The following STK32A variants were observed in gnomAD, a reference collection of about 807,000 sequenced individuals.
STK32A encodes the protein serine/threonine-protein kinase 32A.
Under a neutral mutation model 53.2 loss-of-function variants are expected in STK32A, and 41 were observed. That is an observed-to-expected ratio of 0.77 (90% confidence interval 0.60 to 1.00). STK32A has a LOEUF of 1.00. Ranked by LOEUF, STK32A falls within the 50% of genes least tolerant of loss-of-function variation. The pLI, the probability that STK32A is intolerant of heterozygous loss-of-function variation, is 0.00. For missense variants in STK32A, 458 were observed against 485.8 expected, an observed-to-expected ratio of 0.94 and a Z score of 0.54; for synonymous variants, 166 against 162.8, an observed-to-expected ratio of 1.02 and a Z score of -0.15.
At chr5:147,294,065 T>G (rs1251450875) in intron 4 of STK32A, among the ~76,000 whole-genome samples, 2 of 152,184 alleles carry the variant, frequency 1.3e-5, no homozygotes, top group Non-Finnish European at 2.9e-5. Flanking sequence ...AGATCAATGT[T>G]TCAAGAAAAC....
chr5:147,238,878 G>T (rs183504090), intron 1 of STK32A, among the ~76,000 whole-genome samples: 3 of 151,744 alleles, frequency 2.0e-5, no homozygotes, highest in East Asian at 3.9e-4. Flanking sequence ...ACAAAGAGTT[G>T]TATAATACAA....
chr5:147,282,841 A>C (rs978817238), intron 4 of STK32A, among the ~76,000 whole-genome samples: 1 of 152,228 alleles, frequency 6.6e-6, no homozygotes, highest in African/African-American at 2.4e-5. Context: ...CAACACAATA[A>C]TAGTGAAGGA....
chr5:147,356,224 C>T lies in STK32A; in HGVS notation c.562+5070C>T, dbSNP rs370470429. Among the ~76,000 whole-genome samples, 31 of 152,144 alleles carry T rather than the reference C, an allele frequency of 2.0e-4. No homozygotes were observed. The South Asian group carries it at 6.2e-3, about 31-fold the overall frequency. ...AAACATGCCGTGCCTGAGACATGGACGATGATGTGACAATGATGAAGGTAG... is the reference window on the plus strand; with the variant it reads ...AAACATGCCGTGCCTGAGACATGGATGATGATGTGACAATGATGAAGGTAG... On this transcript the variant is annotated intron_variant, in intron 7 of 12. Transcript: ENST00000397936.
At chr5:147,343,637 AG>A (rs1481813451) in intron 6 of STK32A, among the ~76,000 whole-genome samples, 1 of 152,208 alleles carries the variant, frequency 6.6e-6, no homozygotes, top group Non-Finnish European at 1.5e-5. Flanking sequence ...ACTCAATAGA[AG>A]TCTAATATTG....
the STK32A span, chr5:147,393,809 G>C: frequency 7.6e-5 from 42 of 554,528 alleles, no homozygotes; most frequent in Non-Finnish European, 1.1e-4. Flanking sequence ...ATGTAAATGG[G>C]GGGAGGGGAG....
At chr5:147,382,932 C>G (rs1414590004) in intron 11 of STK32A, 1 of 153,064 alleles carries the variant, frequency 6.5e-6, no homozygotes, top group African/African-American at 2.4e-5. Context: ...TTTGTTTGCA[C>G]CTCTGTGATC....
intron 4 of STK32A, among the ~76,000 whole-genome samples, chr5:147,300,644 T>C (rs1753085976): frequency 1.3e-5 from 2 of 152,192 alleles, no homozygotes; most frequent in East Asian, 3.9e-4. Context: ...CCAATGTCAT[T>C]TGCACACTCA....
chr5:147,267,939 C>T (rs1481681858), intron 2 of STK32A, among the ~76,000 whole-genome samples: 1 of 152,184 alleles, frequency 6.6e-6, no homozygotes, highest in Non-Finnish European at 1.5e-5. Context: ...CACCTTAGAA[C>T]TCCTATAAAC....
rs973875397 is a variant in STK32A at position 147,264,974 on chromosome 5, C to T, written c.53-13150C>T. ...GACACAAAACTTGAAAAAATGAAAACATTAAAAAGACTGAAATAGAGCAAA... is the reference window on the plus strand; with the variant it reads ...GACACAAAACTTGAAAAAATGAAAATATTAAAAAGACTGAAATAGAGCAAA... On this transcript the variant is annotated intron_variant, in intron 2 of 12. Coordinates refer to ENST00000397936, the MANE Select transcript of STK32A (RefSeq NM_001112724.2). Among the ~76,000 whole-genome samples, 31 of 151,632 alleles carry T rather than the reference C, an allele frequency of 2.0e-4. No individual in the cohort carries two copies. The East Asian group carries it at 5.4e-3, about 27-fold the overall frequency.
chr5:147,323,890 A>G lies in STK32A; in HGVS notation c.261-8A>G. On this transcript the variant is annotated splice_polypyrimidine_tract_variant and splice_region_variant and intron_variant, in intron 4 of 12. Coordinates refer to ENST00000397936, the MANE Select transcript of STK32A (RefSeq NM_001112724.2). ...TTTGATAAGTTTTCTCTTCTAATGT[A>G]ATTCCAGGTATTCCTTCCAAGATGA... The G allele has an allele frequency of 6.2e-7, 1 of 1,609,608 alleles. No individual in the cohort carries two copies. Among genetic ancestry groups the G allele is most frequent in the Non-Finnish European group, 8.5e-7 (1 of 1,177,592 alleles).
chr5:147,397,922 A>G, the STK32A span: 15 of 1,389,052 alleles, frequency 1.1e-5, no homozygotes, highest in African/African-American at 1.0e-4. Context: ...TGAGACCTTC[A>G]GTGTCATTTG....
In STK32A at chr5:147,278,132, G is replaced by T; in HGVS notation, c.61G>T (p.Asp21Tyr). The change falls in exon 3 of 13, where the codon GAC (aspartate) becomes TAC (tyrosine). Residue 21 changes from aspartate (D) to tyrosine (Y), a missense_variant. Asp to Tyr is a radical substitution (Grantham distance 160, BLOSUM62 -3). Transcript: ENST00000397936. The part of the protein sequence containing the change: ...VFDENEDVNF[D>Y]HFEILRAIGK... Reference sequence around the variant, plus strand: ...TCTTTTTTGTTTTACAGTCAACTTTGACCACTTTGAAATTTTGCGAGCCAT... The same window carrying T: ...TCTTTTTTGTTTTACAGTCAACTTTTACCACTTTGAAATTTTGCGAGCCAT... 6.3e-7 allele frequency: 1 copy of T among 1,594,986 alleles called. No homozygotes were observed. The highest frequency in any genetic ancestry group is 1.1e-5 in the South Asian group (1 of 87,698).
At chr5:147,281,212 A>C (rs1167839265) in intron 4 of STK32A, among the ~76,000 whole-genome samples, 1 of 152,168 alleles carries the variant, frequency 6.6e-6, no homozygotes, top group African/African-American at 2.4e-5. Context: ...ATGCCCCCCA[A>C]AAATCACACT....
intron 5 of STK32A, among the ~76,000 whole-genome samples, chr5:147,331,278 C>T (rs1034315323): frequency 1.3e-5 from 2 of 152,172 alleles, no homozygotes; most frequent in Admixed American, 1.3e-4. Context: ...TTATTGTTTA[C>T]ACCAAGAACT....
At chr5:147,275,454 A>G (rs562793952) in intron 2 of STK32A, among the ~76,000 whole-genome samples, 48 of 152,180 alleles carry the variant, frequency 3.2e-4, no homozygotes, top group African/African-American at 1.1e-3. Context: ...ATTTCTGAGT[A>G]GCTGGGACTA....
At chr5:147,332,674 T>G (rs1581104830) in intron 5 of STK32A, among the ~76,000 whole-genome samples, 2 of 152,160 alleles carry the variant, frequency 1.3e-5, no homozygotes, top group African/African-American at 4.8e-5. Context: ...CCCTTGCAAA[T>G]GTTCTCTTTT....
At chr5:147,371,887 A>C (rs1757019483) in intron 9 of STK32A, among the ~76,000 whole-genome samples, 1 of 152,208 alleles carries the variant, frequency 6.6e-6, no homozygotes, top group Non-Finnish European at 1.5e-5. Flanking sequence ...TAGTTTGGGA[A>C]GCACAACTTT....
intron 8 of STK32A, 86 bp downstream of exon 8, chr5:147,361,700 G>A (rs1352500235): frequency 1.4e-5 from 14 of 1,021,344 alleles, no homozygotes; most frequent in Non-Finnish European, 2.1e-5. Flanking sequence ...TAAGATCCAA[G>A]CAGTTCACTT....
At chr5:147,339,097 G>A (rs923451583) in intron 5 of STK32A, among the ~76,000 whole-genome samples, 1 of 152,200 alleles carries the variant, frequency 6.6e-6, no homozygotes. Context: ...TGTCTCCAGG[G>A]CATGTCAGAG....
Sources: gnomAD v4.1 joint callset for allele counts (sites outside exome capture counted in the v4.1 genomes callset) on GRCh38, gnomAD v4.1.1 for gene constraint, MANE v1.5 for transcripts, NCBI Gene and HGNC (gene_info 2026-07-23, HGNC 2026-07-21) for gene names.